VPS13B: variants seen among roughly 807,000 people sequenced by gnomAD.
The protein encoded by VPS13B is vacuolar protein sorting 13 homolog B.
A neutral mutation model predicts 426.4 loss-of-function variants in VPS13B; 285 were observed. The ratio of observed to expected loss-of-function variants is 0.67; its 90% CI spans 0.61 to 0.74. The LOEUF (loss-of-function observed/expected upper bound fraction) is 0.74, where lower values mean the gene tolerates loss of function less well. Among genes scored for constraint, VPS13B ranks in the 30% least tolerant of loss-of-function variants. The pLI is 0.00. For synonymous variants in VPS13B, 1,676 were observed against 1,676.4 expected, an observed-to-expected ratio of 1.00 and a Z score of 0.01; for missense variants, 4,537 against 4,782.6, an observed-to-expected ratio of 0.95 and a Z score of 1.51.
At chr8:99,389,175 G>T (rs1175913179) in intron 20 of VPS13B, among the ~76,000 whole-genome samples, 1 of 151,920 alleles carries the variant, frequency 6.6e-6, no homozygotes, top group Non-Finnish European at 1.5e-5. Context: ...GATACACTCA[G>T]AGCTTTAGCT....
chr8:99,181,412 A>G (rs894837515), intron 16 of VPS13B, among the ~76,000 whole-genome samples: 3 of 152,188 alleles, frequency 2.0e-5, no homozygotes, highest in African/African-American at 7.2e-5. Context: ...TATGTATTAT[A>G]GTGGTTAGGA....
At chr8:99,491,358 G>A (rs923088987) in intron 25 of VPS13B, among the ~76,000 whole-genome samples, 1 of 152,154 alleles carries the variant, frequency 6.6e-6, no homozygotes, top group African/African-American at 2.4e-5. Flanking sequence ...TTCTTCTCAA[G>A]GAGTATCTTT....
At chr8:99,302,093 A>G (rs1256878137) in intron 19 of VPS13B, among the ~76,000 whole-genome samples, 1 of 152,176 alleles carries the variant, frequency 6.6e-6, no homozygotes, top group Non-Finnish European at 1.5e-5. Context: ...AAGGAGGGGC[A>G]TCAGATTTTC....
chr8:99,047,645 T>C (rs1033514800), intron 3 of VPS13B, among the ~76,000 whole-genome samples: 5 of 152,032 alleles, frequency 3.3e-5, no homozygotes, highest in African/African-American at 4.8e-5. Flanking sequence ...CTTTCAGACT[T>C]TTTGAGGTAG....
chr8:99,498,571 TA>T (rs1053203516), intron 25 of VPS13B, among the ~76,000 whole-genome samples: 70 of 151,622 alleles, frequency 4.6e-4, no homozygotes, highest in African/African-American at 1.6e-3. Context: ...CTCATGAAAA[TA>T]AAAAAAAGAA....
chr8:99,120,622 A>C (rs1847889115), intron 7 of VPS13B: 1 of 151,916 alleles, frequency 6.6e-6, no homozygotes, highest in African/African-American at 2.4e-5. Flanking sequence ...TATTTTTCTT[A>C]ACTACATATA....
chr8:99,643,505 C>T (rs1482601077), intron 34 of VPS13B, among the ~76,000 whole-genome samples: 2 of 152,138 alleles, frequency 1.3e-5, no homozygotes, highest in Non-Finnish European at 2.9e-5. Flanking sequence ...ATCAAAGGAG[C>T]TCTAGGCCAG....
intron 8 of VPS13B, chr8:99,121,692 C>A: frequency 1.9e-6 from 2 of 1,030,622 alleles, no homozygotes; most frequent in South Asian, 2.6e-5. Flanking sequence ...GTTTTTTGCC[C>A]TATTGAATCA....
intron 42 of VPS13B, among the ~76,000 whole-genome samples, chr8:99,780,360 A>G (rs1287892638): frequency 6.6e-6 from 1 of 152,202 alleles, no homozygotes; most frequent in Non-Finnish European, 1.5e-5. Flanking sequence ...AACCATTATA[A>G]GGGGACTCAT....
chr8:99,597,138 T>G lies in VPS13B; in HGVS notation c.5220+19505T>G, dbSNP rs1353664207. ...ATCTGACGATGAACTCCCTTTTCTT[T>G]AGGTAAACAATAGTTTCCTATTCCA... On this transcript the variant is annotated intron_variant, in intron 33 of 61. Coordinates refer to ENST00000357162, the MANE Select transcript of VPS13B (RefSeq NM_152564.5). 3.3e-5 allele frequency among the ~76,000 whole-genome samples: 5 copies of G among 152,042 alleles called. No homozygotes were observed. The South Asian group carries it at 1.0e-3, about 31-fold the overall frequency.
chr8:99,772,903 G>A (rs764424327), intron 40 of VPS13B, among the ~76,000 whole-genome samples: 194 of 152,186 alleles, frequency 1.3e-3, no homozygotes, highest in South Asian at 1.7e-3. Flanking sequence ...GCAGTGGGTA[G>A]GGGAGAATTT....
chr8:99,565,579 A>G (rs779601576), intron 31 of VPS13B, among the ~76,000 whole-genome samples: 1 of 152,140 alleles, frequency 6.6e-6, no homozygotes, highest in Non-Finnish European at 1.5e-5. Context: ...GATTACGACT[A>G]TTCTCTGTGT....
At chr8:99,687,094 C>T (rs562727139) in intron 35 of VPS13B, among the ~76,000 whole-genome samples, 2 of 152,130 alleles carry the variant, frequency 1.3e-5, no homozygotes, top group South Asian at 4.1e-4. Context: ...CCTGCAAGGA[C>T]TGGGTCCTTC....
chr8:99,874,904 C>T (rs1340831100), intron 61 of VPS13B: 2 of 154,210 alleles, frequency 1.3e-5, no homozygotes, highest in African/African-American at 4.8e-5. Flanking sequence ...GAAAATGTTA[C>T]AGTTCAAAAG....
intron 17 of VPS13B, among the ~76,000 whole-genome samples, chr8:99,226,656 T>A (rs565729684): frequency 1.3e-5 from 2 of 152,214 alleles, no homozygotes; most frequent in Non-Finnish European, 2.9e-5. Context: ...TGATTCTTAA[T>A]ATCAATCTTG....
In VPS13B at chr8:99,784,375, C is replaced by T; in HGVS notation, c.7840C>T (p.Gln2614Ter). 5.0e-6 allele frequency: 8 copies of T among 1,613,742 alleles called. No homozygotes were observed. The highest frequency in any genetic ancestry group is 6.8e-6 in the Non-Finnish European group (8 of 1,179,712). ...CCATTTTGTGATCTGTAATGACACA[C>T]AGGAGACACTGCGGTTTGGCCAGGT... ...FSHFVICNDT[Q>*]ETLRFGQVDT... Residue 2614 changes from glutamine to a stop codon, truncating the protein, a stop_gained, in exon 43 of 62, where the codon CAG (glutamine) becomes TAG (stop). Coordinates refer to ENST00000357162, the MANE Select transcript of VPS13B (RefSeq NM_152564.5). LOFTEE classifies it high-confidence loss of function.
At position 99,831,076 on chromosome 8, in the gene VPS13B, C is replaced by CTTTTTTTTTTTTTTTT. The variant is rs773817774; in HGVS notation, c.9331-1279_9331-1278insTTTTTTTTTTTTTTTT. ...CTTGCCCGGGAATTGGTGTTTTTTT[C>CTTTTTTTTTTTTTTTT]TTTTTTTTTTTTTTGAGATAGAGTC... On this transcript the variant is annotated intron_variant, in intron 51 of 61. Coordinates refer to ENST00000357162, the MANE Select transcript of VPS13B (RefSeq NM_152564.5). Among the ~76,000 whole-genome samples, 102 of 120,054 alleles carry CTTTTTTTTTTTTTTTT rather than the reference C, an allele frequency of 8.5e-4. 13 individuals carry two copies. The highest frequency in any genetic ancestry group is 2.9e-3 in the African/African-American group (92 of 31,270). The allele number at this position is 120,054 out of a possible 152,430, so 78.8% of individuals were successfully genotyped here.
chr8:99,843,924 C>G, intron 54 of VPS13B, among the ~76,000 whole-genome samples: 1 of 152,202 alleles, frequency 6.6e-6, no homozygotes, highest in East Asian at 1.9e-4. Context: ...TGCCAGGAAC[C>G]ATATTCATGG....
intron 40 of VPS13B, among the ~76,000 whole-genome samples, chr8:99,769,188 C>T (rs1811366469): frequency 6.6e-6 from 1 of 152,072 alleles, no homozygotes; most frequent in East Asian, 1.9e-4. Context: ...TTTCACCTTA[C>T]CTAATATTTC....
Sources: allele counts gnomAD v4.1 joint callset (sites outside exome capture counted in the v4.1 genomes callset), GRCh38; gene constraint gnomAD v4.1.1; transcripts MANE v1.5; gene names NCBI Gene and HGNC (gene_info 2026-07-23, HGNC 2026-07-21).